Variants in OXTR observed in about 807,000 individuals in gnomAD.
OXTR encodes oxytocin receptor.
Under a neutral mutation model 23.9 loss-of-function variants are expected in OXTR, and 19 were observed. That is an observed-to-expected ratio of 0.80 (90% CI 0.56 to 1.17). OXTR has a LOEUF of 1.17. OXTR is among the 50% of genes most tolerant of loss of function. The pLI is 0.00. For missense variants in OXTR, 500 were observed against 550.7 expected (o/e 0.91, Z 0.92); for synonymous variants, 278 against 250.5 (o/e 1.11, Z -1.04).
At chr3:8,766,556 G>A (rs1332640830) in intron 3 of OXTR, among the ~76,000 whole-genome samples, 3 of 151,620 alleles carry the variant, frequency 2.0e-5, no homozygotes, top group Non-Finnish European at 4.4e-5. Context: ...AAGTGGAAGT[G>A]AAGTCTCAGT....
intron 3 of OXTR, among the ~76,000 whole-genome samples, chr3:8,755,659 G>C (rs987751497): frequency 6.6e-6 from 1 of 152,160 alleles, no homozygotes; most frequent in Non-Finnish European, 1.5e-5. Context: ...GACCTCAAGT[G>C]GGTCCTCAGG....
rs547247957 is a variant in OXTR at position 8,764,156 on chromosome 3, C to T, written c.922+3110G>A. ...GGGACTTCGGGTCCCTGGGCCACCA[C>T]ATCTACAGCCACCAGAAGCGTGACA... On this transcript the variant is annotated intron_variant, in intron 3 of 3. Coordinates refer to ENST00000316793, the MANE Select transcript of OXTR (RefSeq NM_000916.4). 2.1e-3 allele frequency among the ~76,000 whole-genome samples: 307 copies of T among 147,844 alleles called. 1 individual carries two copies. The highest frequency in any genetic ancestry group is 3.0e-3 in the Non-Finnish European group (203 of 67,546).
At chr3:8,762,106 C>A (rs930606741) in intron 3 of OXTR, among the ~76,000 whole-genome samples, 2 of 152,178 alleles carry the variant, frequency 1.3e-5, no homozygotes, top group African/African-American at 4.8e-5. Context: ...GACACGCCAG[C>A]CCGGGGCCAC....
downstream of OXTR, among the ~76,000 whole-genome samples, chr3:8,747,757 A>AAG (rs1708195358): frequency 6.6e-6 from 1 of 152,114 alleles, no homozygotes. Flanking sequence ...TGTCCTCCTC[A>AAG]AAGGGCCTGC....
In OXTR at chr3:8,752,898, T is replaced by C; in HGVS notation, c.*79A>G. On this transcript the variant is annotated 3_prime_UTR_variant, in exon 4 of 4. Transcript: ENST00000316793. ...CTGATAGGTACCTTATACACAAACATACGCCATCACCTAGGAGCAGAGCAC... is the reference window on the plus strand; with the variant it reads ...CTGATAGGTACCTTATACACAAACACACGCCATCACCTAGGAGCAGAGCAC... 1 of 1,435,704 alleles carries C rather than the reference T, an allele frequency of 7.0e-7. No homozygotes were observed. The highest frequency in any genetic ancestry group is 9.3e-7 in the Non-Finnish European group (1 of 1,074,122). The allele number at this position is 1,435,704 out of a possible 1,614,324, so 88.9% of individuals were successfully genotyped here.
rs1559661886 is a variant in OXTR, at chr3:8,751,542, T to A, written c.*1435A>T. Reference sequence around the variant, plus strand: ...CTTATATTTAGATCTTGGATGCGTTTTGAGTTGATTTTTGCACATAGTGTG... The same window carrying A: ...CTTATATTTAGATCTTGGATGCGTTATGAGTTGATTTTTGCACATAGTGTG... On this transcript the variant is annotated 3_prime_UTR_variant, in exon 4 of 4. Coordinates refer to ENST00000316793, the MANE Select transcript of OXTR (RefSeq NM_000916.4). 6.6e-6 allele frequency: 1 copy of A among 152,150 alleles called. No individual in the cohort carries two copies. The highest frequency in any genetic ancestry group is 1.5e-5 in the Non-Finnish European group (1 of 68,040). 9.4% of individuals were successfully genotyped at this position (152,150 alleles called of 1,614,324 possible). A position where few individuals can be genotyped will look rare whatever the true frequency, so the allele number is the denominator to read the frequency against.
At chr3:8,755,403 G>A (rs1479178097) in intron 3 of OXTR, among the ~76,000 whole-genome samples, 2 of 152,228 alleles carry the variant, frequency 1.3e-5, no homozygotes, top group African/African-American at 2.4e-5. Flanking sequence ...GTTTTGCCTA[G>A]TTGGATACAG....
Position 8,767,879 on chromosome 3 carries a change from GA to G in OXTR, c.308del (p.Phe103SerfsTer104). 1 of 1,613,692 alleles carries G rather than the reference GA, an allele frequency of 6.2e-7. No homozygotes were observed. Among genetic ancestry groups the G allele is most frequent in the Middle Eastern group, 1.7e-4 (1 of 6,058 alleles). On this transcript the variant is annotated frameshift_variant, in exon 3 of 4. Transcript: ENST00000316793. LOFTEE classifies it high-confidence loss of function. ...VLPQLLWDIT[F>X]RFYGPDLLCR... ...ACAGCAGGTCGGGCCCGTAGAAGCG[GA>G]AGGTGATGTCCCACAGCAACTGCGG...
chr3:8,754,959 T>C (rs868327033), intron 3 of OXTR, among the ~76,000 whole-genome samples: 1 of 152,166 alleles, frequency 6.6e-6, no homozygotes. Flanking sequence ...TAATAAAGAA[T>C]AGAAAGGAGG....
In OXTR at chr3:8,751,521, T is replaced by C. The variant is rs1367731219; in HGVS notation, c.*1456A>G. 5 of 152,336 alleles carry C rather than the reference T, an allele frequency of 3.3e-5. No individual in the cohort carries two copies. The highest frequency in any genetic ancestry group is 7.3e-5 in the Non-Finnish European group (5 of 68,038). The allele number at this position is 152,336 out of a possible 1,614,324, so 9.4% of individuals were successfully genotyped here. On this transcript the variant is annotated 3_prime_UTR_variant, in exon 4 of 4. Transcript: ENST00000316793. Reference sequence around the variant, plus strand: ...TAAGATTTTATAGTTTCAGCTCTTATATTTAGATCTTGGATGCGTTTTGAG... The same window carrying C: ...TAAGATTTTATAGTTTCAGCTCTTACATTTAGATCTTGGATGCGTTTTGAG...
chr3:8,745,133 T>C, the OXTR span: 1 of 212,076 alleles, frequency 4.7e-6, no homozygotes, highest in Non-Finnish European at 9.6e-6. The surrounding 1 kb of genome is among the most constrained non-coding windows in gnomAD (Gnocchi z 4.8). Context: ...AGTGGGAGAG[T>C]TCTCATAAGA....
chr3:8,767,581 A>G lies in OXTR; in HGVS notation c.607T>C (p.Trp203Arg), dbSNP rs200498154. The G allele has an allele frequency of 7.3e-5, 117 of 1,613,370 alleles. No individual in the cohort carries two copies. The highest frequency in any genetic ancestry group is 9.2e-5 in the Non-Finnish European group (108 of 1,179,794). Residue 203 changes from tryptophan (W) to arginine (R), a missense_variant, in exon 3 of 4, where the codon TGG (tryptophan) becomes CGG (arginine). Coordinates refer to ENST00000316793, the MANE Select transcript of OXTR (RefSeq NM_000916.4). ...QPWGPKAYIT[W>R]ITLAVYIVPV... ...ACGATGTAGACAGCTAGCGTGATCC[A>G]TGTGATGTAGGCCTTGGGTCCCCAG...
In OXTR at chr3:8,767,758, G is replaced by T. The variant is rs1452481964; in HGVS notation, c.430C>A (p.Pro144Thr). Reference protein sequence around the residue: ...SLDRCLAICQPLRSLRRRTDR... With the variant: ...SLDRCLAICQTLRSLRRRTDR... ...GTGCGGCGGCGCAGCGAGCGCAGCG[G>T]CTGGCAGATGGCCAGGCAGCGGTCC... Residue 144 changes from proline (P) to threonine (T), a missense_variant, in exon 3 of 4, where the codon CCG becomes ACG. Transcript: ENST00000316793. The T allele has an allele frequency of 5.6e-6, 9 of 1,606,100 alleles. No homozygotes were observed. In the Admixed American group the frequency reaches 8.5e-5, roughly 15 times the overall value.
chr3:8,766,304 C>T (rs902626557), intron 3 of OXTR, among the ~76,000 whole-genome samples: 1 of 152,182 alleles, frequency 6.6e-6, no homozygotes, highest in African/African-American at 2.4e-5. Flanking sequence ...AGCCACCCAG[C>T]ACCAGCCACA....
At chr3:8,743,380 G>A in the OXTR span, among the ~76,000 whole-genome samples, 469 of 152,002 alleles carry the variant, frequency 3.1e-3, 5 homozygotes, top group African/African-American at 0.011. Flanking sequence ...TTCCAATCCC[G>A]AAGTCCCCTA....
chr3:8,760,758 A>G (rs1227450887), intron 3 of OXTR, among the ~76,000 whole-genome samples: 1 of 152,226 alleles, frequency 6.6e-6, no homozygotes, highest in African/African-American at 2.4e-5. Context: ...TTCCCATGGC[A>G]GGAACAGTAT....
Position 8,750,455 on chromosome 3 carries a change from C to G in OXTR, c.*2522G>C, listed in dbSNP as rs201056384. ...AGTTCATTGGTTTTTAGTACATTCTCAAAATCGTGCACAATCACCACTAAT... is the reference window on the plus strand; with the variant it reads ...AGTTCATTGGTTTTTAGTACATTCTGAAAATCGTGCACAATCACCACTAAT... On this transcript the variant is annotated 3_prime_UTR_variant, in exon 4 of 4. Transcript: ENST00000316793. 6.6e-6 allele frequency: 1 copy of G among 152,280 alleles called. No homozygotes were observed. Among genetic ancestry groups the G allele is most frequent in the Non-Finnish European group, 1.5e-5 (1 of 68,024 alleles). 9.4% of individuals were successfully genotyped at this position (152,280 alleles called of 1,614,324 possible).
In OXTR at chr3:8,757,018, C is replaced by T. The variant is rs1462259274; in HGVS notation, c.923-3794G>A. On this transcript the variant is annotated intron_variant, in intron 3 of 3. Transcript: ENST00000316793. ...GCTGTTCACAGTGGGCGCCCCCTGG[C>T]CCACAGAAACACTGGCTGAGAGGCA... Among the ~76,000 whole-genome samples the T allele has an allele frequency of 1.3e-5, 2 of 152,146 alleles. 1 individual carries two copies. Among genetic ancestry groups the T allele is most frequent in the Admixed American group, 1.3e-4 (2 of 15,278 alleles).
rs765500112 is a variant in OXTR, at chr3:8,767,483, G to A, written c.705C>T (p.Thr235=). Residue 235 remains threonine, a synonymous_variant, in exon 3 of 4, where the codon ACC becomes ACT. Coordinates refer to ENST00000316793, the MANE Select transcript of OXTR (RefSeq NM_000916.4). Reference sequence around the variant, plus strand: ...GCGCCTCGGCCGCCGCCGCTGCAGCGGTCTTGAGCCGCAAGTTCTGCCAGA... The same window carrying A: ...GCGCCTCGGCCGCCGCCGCTGCAGCAGTCTTGAGCCGCAAGTTCTGCCAGA... The part of the protein sequence containing the change: ...FKIWQNLRLK[T]AAAAAAEAPE... The A allele has an allele frequency of 4.4e-6, 7 of 1,607,234 alleles. No individual in the cohort carries two copies. The highest frequency in any genetic ancestry group is 1.1e-5 in the South Asian group (1 of 90,436).
Sources: gnomAD v4.1 joint callset for allele counts (sites outside exome capture counted in the v4.1 genomes callset) on GRCh38, gnomAD v4.1.1 for gene constraint, Gnocchi (gnomAD v3.1) non-coding constraint, MANE v1.5 for transcripts, NCBI Gene and HGNC (gene_info 2026-07-23, HGNC 2026-07-21) for gene names.